The following ATP10A variants were observed in gnomAD, a reference collection of about 807,000 sequenced individuals.
ATP10A encodes the protein ATPase phospholipid transporting 10A (putative).
ATP10A carries 111 observed loss-of-function variants against 147.8 expected under a neutral mutation model. That is an observed-to-expected ratio of 0.75 (90% CI 0.64 to 0.88). ATP10A has a LOEUF of 0.88. Among genes scored for constraint, ATP10A ranks in the 40% least tolerant of loss-of-function variants. ATP10A has a pLI of 0.00. For missense variants in ATP10A, 1,927 were observed against 1,959.0 expected (o/e 0.98, Z 0.31); for synonymous variants, 875 against 841.6 (o/e 1.04, Z -0.69).
At chr15:25,689,732 C>A (rs1899912009) in intron 15 of ATP10A, among the ~76,000 whole-genome samples, 1 of 152,216 alleles carries the variant, frequency 6.6e-6, no homozygotes, top group African/African-American at 2.4e-5. Context: ...TACGCCTGTT[C>A]AAAGCTGCAT....
intron 2 of ATP10A, among the ~76,000 whole-genome samples, chr15:25,776,840 C>G (rs1016961070): frequency 6.6e-6 from 1 of 152,148 alleles, no homozygotes; most frequent in Non-Finnish European, 1.5e-5. Context: ...CACCATCTGA[C>G]GGACGTCATT....
chr15:25,782,157 T>C (rs996631555), intron 1 of ATP10A, among the ~76,000 whole-genome samples: 2 of 152,152 alleles, frequency 1.3e-5, no homozygotes, highest in Admixed American at 1.3e-4. Flanking sequence ...AAATGAGCCA[T>C]TCACAAAAGG....
chr15:25,745,111 G>A (rs1294002631), intron 2 of ATP10A, among the ~76,000 whole-genome samples: 1 of 152,072 alleles, frequency 6.6e-6, no homozygotes, highest in African/African-American at 2.4e-5. Context: ...AGATCACGAC[G>A]TCATGGTCTT....
intron 1 of ATP10A, among the ~76,000 whole-genome samples, chr15:25,793,316 A>G (rs1345102): frequency 0.52 from 78,523 of 152,070 alleles, 20,733 homozygotes; most frequent in South Asian, 0.65. Context: ...TGCTCTTCCC[A>G]TCCCACCCAG....
chr15:25,802,181 T>C (rs1890968833), intron 1 of ATP10A, among the ~76,000 whole-genome samples: 1 of 152,184 alleles, frequency 6.6e-6, no homozygotes, highest in South Asian at 2.1e-4. Flanking sequence ...AGAACAGAAA[T>C]TGGGCAGAGT....
intron 16 of ATP10A, among the ~76,000 whole-genome samples, chr15:25,686,282 C>G (rs1008913322): frequency 2.2e-5 from 1 of 46,160 alleles, no homozygotes; most frequent in Non-Finnish European, 3.3e-5. Flanking sequence ...CATGGAGAAC[C>G]AGCCTGAGCA....
At chr15:25,770,225 C>G (rs947287848) in intron 2 of ATP10A, among the ~76,000 whole-genome samples, 6 of 152,146 alleles carry the variant, frequency 3.9e-5, no homozygotes, top group Non-Finnish European at 5.9e-5. Flanking sequence ...GGAGGGGCCC[C>G]ACCCATGTTT....
intron 2 of ATP10A, among the ~76,000 whole-genome samples, chr15:25,741,708 G>A (rs1318884589): frequency 6.6e-6 from 1 of 152,206 alleles, no homozygotes; most frequent in Non-Finnish European, 1.5e-5. Flanking sequence ...CTGAACGAAT[G>A]AGTGAATTTA....
rs116375025 is a variant in ATP10A, at chr15:25,726,006, G to A, written c.924C>T (p.Cys308=). 3.3e-3 allele frequency: 5,326 copies of A among 1,614,060 alleles called. 43 individuals carry two copies. Among genetic ancestry groups the A allele is most frequent in the African/African-American group, 0.027 (2,026 of 75,048 alleles). ...KRSKLERQMN[C]DVLWCVLLLV... Reference sequence around the variant, plus strand: ...GGAGCAGGACACACCAGAGCACGTCGCAGTTCATCTGCCTCTCCAGCTTGC... The same window carrying A: ...GGAGCAGGACACACCAGAGCACGTCACAGTTCATCTGCCTCTCCAGCTTGC... The change falls in exon 5 of 21, where the codon TGC becomes TGT. Residue 308 remains cysteine, a synonymous_variant. Transcript: ENST00000555815.
At chr15:25,786,793 T>C (rs1366463920) in intron 1 of ATP10A, among the ~76,000 whole-genome samples, 178 of 44,878 alleles carry the variant, frequency 4.0e-3, no homozygotes, top group East Asian at 0.013. Context: ...GCCCAGCTAG[T>C]TTTTTTTTTT....
intron 12 of ATP10A, 50 bp from the exon 13 acceptor site, chr15:25,702,150 C>CA: frequency 3.9e-6 from 6 of 1,554,012 alleles, no homozygotes; most frequent in Middle Eastern, 3.5e-4. Context: ...ACGTGCCCCC[C>CA]AATCCTTCTG....
intron 1 of ATP10A, among the ~76,000 whole-genome samples, chr15:25,856,133 T>C (rs1893506518): frequency 6.6e-6 from 1 of 152,166 alleles, no homozygotes; most frequent in Admixed American, 6.5e-5. Flanking sequence ...CTGATATGGG[T>C]TGGCTCTCTG....
At chr15:25,775,818 G>A (rs1889579322) in intron 2 of ATP10A, among the ~76,000 whole-genome samples, 3 of 152,232 alleles carry the variant, frequency 2.0e-5, no homozygotes, top group South Asian at 2.1e-4. Flanking sequence ...CGACACTGAC[G>A]TGTCCTCTGG....
chr15:25,717,535 C>T (rs1297669784), intron 8 of ATP10A, among the ~76,000 whole-genome samples: 1 of 152,146 alleles, frequency 6.6e-6, no homozygotes, highest in Admixed American at 6.5e-5. Flanking sequence ...CGTGAGAGCC[C>T]CCACTCCCAG....
At chr15:25,802,618 T>C (rs1378605019) in intron 1 of ATP10A, among the ~76,000 whole-genome samples, 2 of 152,238 alleles carry the variant, frequency 1.3e-5, no homozygotes, top group Non-Finnish European at 2.9e-5. Context: ...TATGCTTCCC[T>C]GCCTCTCCTG....
At chr15:25,707,836 G>T (rs765099526) in intron 12 of ATP10A, 140 bp downstream of exon 12, 2 of 1,225,434 alleles carry the variant, frequency 1.6e-6, no homozygotes, top group African/African-American at 3.0e-5. Context: ...CTCCCGCCTC[G>T]GCTGTGCCAG....
intron 1 of ATP10A, among the ~76,000 whole-genome samples, chr15:25,839,222 C>T (rs899792537): frequency 6.6e-6 from 1 of 152,166 alleles, no homozygotes; most frequent in Non-Finnish European, 1.5e-5. Context: ...AGCGTATGTG[C>T]GTCGGCGCAT....
Position 25,686,653 on chromosome 15 carries a change from A to G in ATP10A, c.3291+1050T>C, listed in dbSNP as rs1304011650. Among the ~76,000 whole-genome samples the G allele has an allele frequency of 1.9e-5, 2 of 107,794 alleles. 1 individual carries two copies. Among genetic ancestry groups the G allele is most frequent in the East Asian group, 5.5e-4 (2 of 3,658 alleles). 70.7% of individuals were successfully genotyped at this position (107,794 alleles called of 152,430 possible). A position where few individuals can be genotyped will look rare whatever the true frequency, so the allele number is the denominator to read the frequency against. ...GGAGTTCTGGTGTTTAGCCAGGTAGATTTATGGGACTACCTTGGAAGATCA... is the reference window on the plus strand; with the variant it reads ...GGAGTTCTGGTGTTTAGCCAGGTAGGTTTATGGGACTACCTTGGAAGATCA... On this transcript the variant is annotated intron_variant, in intron 16 of 20. Transcript: ENST00000555815.
chr15:25,853,108 C>T (rs865926700), intron 1 of ATP10A, among the ~76,000 whole-genome samples: 79 of 152,290 alleles, frequency 5.2e-4, no homozygotes, highest in African/African-American at 1.8e-3. Flanking sequence ...ACAGTATCCC[C>T]AGTGGAAAAA....
Sources: gnomAD v4.1 joint callset for allele counts (sites outside exome capture counted in the v4.1 genomes callset) on GRCh38, gnomAD v4.1.1 for gene constraint, MANE v1.5 for transcripts, NCBI Gene and HGNC (gene_info 2026-07-23, HGNC 2026-07-21) for gene names.